Variants in NAA25 observed in about 807,000 individuals in gnomAD.
The protein encoded by NAA25 is N-terminal acetyltransferase B complex subunit NAA25.
A neutral mutation model predicts 132.5 loss-of-function variants in NAA25; 30 were observed. That is an observed-to-expected ratio of 0.23 (90% CI 0.17 to 0.31). The LOEUF is 0.31. Among genes scored for constraint, NAA25 ranks in the 10% least tolerant of loss-of-function variants. NAA25 has a pLI of 1.00. For synonymous variants in NAA25, 359 were observed against 401.9 expected (o/e 0.89, Z 1.28); for missense variants, 771 against 1,150.4 (o/e 0.67, Z 4.77).
intron 1 of NAA25, among the ~76,000 whole-genome samples, 179 bp from the exon 2 acceptor site, chr12:112,093,315 G>T (rs1479605101): frequency 3.2e-4 from 49 of 152,014 alleles, no homozygotes; most frequent in Admixed American, 3.2e-3. Context: ...CGAGGCAGAT[G>T]GATCACTTGA....
chr12:112,043,833 T>G lies in NAA25; in HGVS notation c.2042A>C (p.Glu681Ala), dbSNP rs747707218. 24 of 1,613,906 alleles carry G rather than the reference T, an allele frequency of 1.5e-5. No individual in the cohort carries two copies. Among genetic ancestry groups the G allele is most frequent in the African/African-American group, 2.7e-5 (2 of 74,912 alleles). Residue 681 changes from glutamate (E) to alanine (A), a missense_variant, in exon 18 of 24, where the codon GAG (glutamate) becomes GCG (alanine). Around this residue, in one of 3 missense-constraint regions of NAA25, gnomAD observed 324 missense variants for 400.0 expected, o/e 0.81. Transcript: ENST00000261745. ...VSEEHKKLSL[E>A]EETLWLRIRS... ...GATTCTTAACCACAAGGTCTCCTCC[T>G]CTAAGGAAAGTTTCTTATGTTCTTC...
chr12:112,058,055 G>T (rs1429006697), intron 13 of NAA25, among the ~76,000 whole-genome samples: 1 of 152,126 alleles, frequency 6.6e-6, no homozygotes, highest in East Asian at 1.9e-4. Context: ...GCTGAGACAG[G>T]AGAATCGCTT....
chr12:112,036,433 T>C (rs2078224643), intron 22 of NAA25, among the ~76,000 whole-genome samples: 2 of 152,290 alleles, frequency 1.3e-5, no homozygotes, highest in South Asian at 4.1e-4. Context: ...ATTGATGATA[T>C]TTGGATGCAG....
In NAA25 at chr12:112,043,619, T is replaced by A. The variant is rs781325415; in HGVS notation, c.2250+6A>T. The A allele has an allele frequency of 7.4e-6, 12 of 1,613,972 alleles. No individual in the cohort carries two copies. Among genetic ancestry groups the A allele is most frequent in the Non-Finnish European group, 1.0e-5 (12 of 1,179,876 alleles). On this transcript the variant is annotated splice_donor_region_variant and intron_variant, in intron 18 of 23. Transcript: ENST00000261745. ...AACTTTGATGGTAAATATGTATTGA[T>A]GGTACCTGAATATCCTTCTCAATAA...
intron 23 of NAA25, among the ~76,000 whole-genome samples, chr12:112,031,317 T>G (rs940126008): frequency 6.6e-6 from 1 of 152,160 alleles, no homozygotes; most frequent in Non-Finnish European, 1.5e-5. Flanking sequence ...TTGAAGAGAT[T>G]TTTACCTTTA....
At chr12:112,083,901 A>G (rs925310261) in intron 4 of NAA25, among the ~76,000 whole-genome samples, 1 of 152,214 alleles carries the variant, frequency 6.6e-6, no homozygotes, top group Admixed American at 6.6e-5. Flanking sequence ...AAAAATAAAT[A>G]AAAGTTAGGA....
intron 1 of NAA25, 92 bp from the exon 2 acceptor site, chr12:112,093,228 A>G: frequency 2.5e-6 from 2 of 803,022 alleles, no homozygotes; most frequent in Non-Finnish European, 4.1e-6. Context: ...TTTGGAAAAT[A>G]TCTTAATTTG....
intron 11 of NAA25, among the ~76,000 whole-genome samples, chr12:112,061,637 C>T (rs1469433236): frequency 6.6e-6 from 1 of 152,158 alleles, no homozygotes; most frequent in Non-Finnish European, 1.5e-5. Flanking sequence ...TTTGTCAATA[C>T]CACGTACTAC....
chr12:112,042,990 G>A, intron 19 of NAA25, 98 bp downstream of exon 19: 2 of 1,201,632 alleles, frequency 1.7e-6, no homozygotes, highest in East Asian at 2.4e-5. Context: ...CAGCTTCCAT[G>A]TACTCTAAAA....
At chr12:112,051,562 C>A (rs2078466213) in intron 15 of NAA25, among the ~76,000 whole-genome samples, 1 of 152,096 alleles carries the variant, frequency 6.6e-6, no homozygotes, top group Admixed American at 6.6e-5. Flanking sequence ...CTCCTGTCAG[C>A]AGATTTAATA....
chr12:112,055,719 G>GAAAAAAAAAAA (rs1192938515), intron 13 of NAA25, among the ~76,000 whole-genome samples: 1 of 127,544 alleles, frequency 7.8e-6, no homozygotes, highest in Non-Finnish European at 1.7e-5. Context: ...AATAGAAAAG[G>GAAAAAAAAAAA]AAAAAAAAAA....
chr12:112,043,262 A>T (rs779329821), intron 18 of NAA25, 51 bp from the exon 19 acceptor site: 1 of 1,518,654 alleles, frequency 6.6e-7, no homozygotes, highest in Non-Finnish European at 8.8e-7. Flanking sequence ...CTAAATGCAT[A>T]CAAAATAAGA....
chr12:112,041,957 G>C, intron 20 of NAA25, 82 bp downstream of exon 20: 1 of 789,952 alleles, frequency 1.3e-6, no homozygotes, highest in Non-Finnish European at 2.0e-6. Flanking sequence ...GGGTGATTGG[G>C]CTTGGGAATA....
In NAA25 at chr12:112,038,028, T is replaced by C. The variant is rs540413540; in HGVS notation, c.2649+1201A>G. Among the ~76,000 whole-genome samples the C allele has an allele frequency of 4.6e-5, 7 of 152,272 alleles. No individual in the cohort carries two copies. In the East Asian group the frequency reaches 9.7e-4, roughly 21 times the overall value. On this transcript the variant is annotated intron_variant, in intron 22 of 23. Transcript: ENST00000261745. ...AAAACTTTGAATACTGATTTTTTTTTCCTGAGACGGAGTCTCGCTCTGTCA... is the reference window on the plus strand; with the variant it reads ...AAAACTTTGAATACTGATTTTTTTTCCCTGAGACGGAGTCTCGCTCTGTCA...
chr12:112,034,628 AAACAACAACAACAAC>A (rs57168073), intron 22 of NAA25: 1 of 151,222 alleles, frequency 6.6e-6, no homozygotes, highest in Non-Finnish European at 1.5e-5. Flanking sequence ...TCCGTCTCAA[AAACAACAACAACAAC>A]AACAACAACA....
rs762303006 is a variant in NAA25 at position 112,090,823 on chromosome 12, C to T, written c.186G>A (p.Glu62=). Reference sequence around the variant, plus strand: ...CCTCCTGTGCAAGAGTAAAGGCTTCCTCTTGCTTTCCAGTTCTCTGTAAAC... The same window carrying T: ...CCTCCTGTGCAAGAGTAAAGGCTTCTTCTTGCTTTCCAGTTCTCTGTAAAC... ...AIGLQRTGKQ[E]EAFTLAQEVA... is the part of the protein sequence containing the mutation. Residue 62 remains glutamate (E), a synonymous_variant, in exon 3 of 24, where the codon GAG becomes GAA. Coordinates refer to ENST00000261745, the MANE Select transcript of NAA25 (RefSeq NM_024953.4). The T allele has an allele frequency of 2.8e-5, 45 of 1,613,738 alleles. No individual in the cohort carries two copies. In the Admixed American group the frequency reaches 7.5e-4, roughly 27 times the overall value.
chr12:112,092,548 A>T (rs1458740741), intron 2 of NAA25, among the ~76,000 whole-genome samples: 1 of 151,814 alleles, frequency 6.6e-6, no homozygotes, highest in African/African-American at 2.4e-5. Flanking sequence ...AATCACTTGA[A>T]TCTGGGAGGC....
At chr12:112,055,302 T>C (rs1021815354) in intron 13 of NAA25, among the ~76,000 whole-genome samples, 8 of 152,244 alleles carry the variant, frequency 5.3e-5, no homozygotes, top group Non-Finnish European at 1.0e-4. Flanking sequence ...AAATGTGCAA[T>C]AATGTTCAGT....
intron 4 of NAA25, 65 bp downstream of exon 4, chr12:112,087,618 C>T (rs528477355): frequency 2.6e-6 from 3 of 1,147,284 alleles, no homozygotes; most frequent in Non-Finnish European, 3.9e-6. Context: ...AGTTAAATCA[C>T]AAGAAAGAGA....
Sources: gnomAD v4.1 joint callset for allele counts (sites outside exome capture counted in the v4.1 genomes callset) on GRCh38, gnomAD v4.1.1 for gene constraint, gnomAD v4.1.1 regional missense constraint, MANE v1.5 for transcripts, NCBI Gene and HGNC (gene_info 2026-07-23, HGNC 2026-07-21) for gene names.